The following SLC52A1 variants were observed in gnomAD, a reference collection of about 807,000 sequenced individuals.
SLC52A1 encodes the protein solute carrier family 52 member 1, also known as solute carrier family 52, riboflavin transporter, member 1.
In SLC52A1, 20 loss-of-function variants were observed where a neutral mutation model predicts 23.2. The ratio of observed to expected loss-of-function variants is 0.86; its 90% CI spans 0.61 to 1.25. The LOEUF (loss-of-function observed/expected upper bound fraction) is 1.25. SLC52A1 is among the 50% of genes most tolerant of loss of function. The pLI is 0.00. For synonymous variants in SLC52A1, 260 were observed against 256.6 expected, an observed-to-expected ratio of 1.01 and a Z score of -0.13; for missense variants, 528 against 557.0, an observed-to-expected ratio of 0.95 and a Z score of 0.52.
At chr17:5,036,651 A>C (rs993722095), upstream of SLC52A1, among the ~76,000 whole-genome samples, 1 of 151,130 alleles carries the variant, frequency 6.6e-6, no homozygotes, top group African/African-American at 2.4e-5. Flanking sequence ...ACCTCAGGTG[A>C]TCCGCCCGCC....
chr17:5,037,168 CAAAG>C (rs1975477124), upstream of SLC52A1, among the ~76,000 whole-genome samples: 1 of 152,100 alleles, frequency 6.6e-6, no homozygotes, highest in Non-Finnish European at 1.5e-5. Context: ...AAACAAAAAA[CAAAG>C]AAAACAAAAG....
At chr17:5,036,157 G>A (rs1975451788), upstream of SLC52A1, among the ~76,000 whole-genome samples, 2 of 139,710 alleles carry the variant, frequency 1.4e-5, no homozygotes, top group East Asian at 2.2e-4. Context: ...TCAGCCTCCC[G>A]AGTAGCTGGA....
chr17:5,042,341 A>T (rs1435194025), intron 1 of SLC52A1, among the ~76,000 whole-genome samples: 1 of 152,122 alleles, frequency 6.6e-6, no homozygotes, highest in Non-Finnish European at 1.5e-5. Flanking sequence ...CTCACCACAG[A>T]TGAATGTACT....
chr17:5,038,648 G>A (rs937409842), upstream of SLC52A1, among the ~76,000 whole-genome samples: 12 of 151,262 alleles, frequency 7.9e-5, no homozygotes, highest in African/African-American at 2.9e-4. Context: ...GTGCAGTGGC[G>A]CAATCTCGGC....
upstream of SLC52A1, among the ~76,000 whole-genome samples, chr17:5,039,791 A>T (rs1341409321): frequency 6.6e-6 from 1 of 152,180 alleles, no homozygotes; most frequent in Non-Finnish European, 1.5e-5. Context: ...CAATGTATAG[A>T]CAATAGTTCC....
In SLC52A1 at chr17:5,032,705, C is replaced by T. The variant is rs1975340070; in HGVS notation, c.*252G>A. The T allele has an allele frequency of 2.4e-6, 1 of 421,236 alleles. No individual in the cohort carries two copies. Among genetic ancestry groups the T allele is most frequent in the Non-Finnish European group, 4.2e-6 (1 of 235,676 alleles). The allele number at this position is 421,236 out of a possible 1,614,324, so 26.1% of individuals were successfully genotyped here. On this transcript the variant is annotated 3_prime_UTR_variant, in exon 5 of 5. Coordinates refer to ENST00000254853, the MANE Select transcript of SLC52A1 (RefSeq NM_017986.4). ...TTGTTTTTGGTTTTAAATAAAAACA[C>T]TTTATTGCACAAATCCCACAAAGGT...
chr17:5,034,679 T>G lies in SLC52A1; in HGVS notation c.-73A>C. ...GTCCTTCCCTAGGTAGGTCCAAAGA[T>G]GCTTTGGTTCTTCTGGAAACTGAAG... On this transcript the variant is annotated 5_prime_UTR_variant, in exon 2 of 5. Coordinates refer to ENST00000254853, the MANE Select transcript of SLC52A1 (RefSeq NM_017986.4). 1.3e-6 allele frequency: 2 copies of G among 1,578,462 alleles called. No individual in the cohort carries two copies.
At chr17:5,041,901 C>T (rs1975549208) in intron 1 of SLC52A1, among the ~76,000 whole-genome samples, 1 of 152,116 alleles carries the variant, frequency 6.6e-6, no homozygotes, top group Non-Finnish European at 1.5e-5. Flanking sequence ...CGTGAGCCAC[C>T]GCACCCGGCC....
Position 5,033,390 on chromosome 17 carries a change from G to A in SLC52A1, c.1011-6C>T, listed in dbSNP as rs1366152443. The A allele has an allele frequency of 3.1e-6, 5 of 1,614,124 alleles. No individual in the cohort carries two copies. The highest frequency in any genetic ancestry group is 4.2e-6 in the Non-Finnish European group (5 of 1,180,000). ...CAACCAGCCCTGCCAGGGACCTGTT[G>A]GGGATGAGCAGAGACTCAGGGCTGG... On this transcript the variant is annotated splice_region_variant and splice_polypyrimidine_tract_variant and intron_variant, in intron 3 of 4. Transcript: ENST00000254853.
At position 5,032,688 on chromosome 17, in the gene SLC52A1, G is replaced by A. The variant is rs1018189768; in HGVS notation, c.*269C>T. On this transcript the variant is annotated 3_prime_UTR_variant, in exon 5 of 5. Coordinates refer to ENST00000254853, the MANE Select transcript of SLC52A1 (RefSeq NM_017986.4). ...TCATTAGGCTTTTGTTTTTGTTTTTGGTTTTAAATAAAAACACTTTATTGC... is the reference window on the plus strand; with the variant it reads ...TCATTAGGCTTTTGTTTTTGTTTTTAGTTTTAAATAAAAACACTTTATTGC... 1 of 373,702 alleles carries A rather than the reference G, an allele frequency of 2.7e-6. No individual in the cohort carries two copies. Among genetic ancestry groups the A allele is most frequent in the African/African-American group, 2.0e-5 (1 of 49,228 alleles). The allele number at this position is 373,702 out of a possible 1,614,324, so 23.1% of individuals were successfully genotyped here.
upstream of SLC52A1, among the ~76,000 whole-genome samples, chr17:5,035,946 C>T (rs1453186018): frequency 7.2e-6 from 1 of 139,824 alleles, no homozygotes. Flanking sequence ...CTTGGCACTC[C>T]TGGGCTCAAG....
At position 5,032,942 on chromosome 17, in the gene SLC52A1, C is replaced by T. The variant is rs773005287; in HGVS notation, c.*15G>A. ...AAGACAGGTGGGGTGGAGTTGGGTC[C>T]CCACCTGCCCAGGCTCAGGGGCCAC... On this transcript the variant is annotated 3_prime_UTR_variant, in exon 5 of 5. Coordinates refer to ENST00000254853, the MANE Select transcript of SLC52A1 (RefSeq NM_017986.4). 5 of 1,605,590 alleles carry T rather than the reference C, an allele frequency of 3.1e-6. No homozygotes were observed. The highest frequency in any genetic ancestry group is 4.3e-6 in the Non-Finnish European group (5 of 1,173,456).
chr17:5,033,143 A>G lies in SLC52A1; in HGVS notation c.1161T>C (p.Cys387=). The part of the protein sequence containing the change: ...LVVLSWVLCL[C]VFSYVKVAAS... ...CAGCCACCTTCACATATGAGAACAC[A>G]CACAGACACAGCACCCACGACAGCA... is the stretch of plus-strand genomic sequence containing the variant. The change falls in exon 5 of 5, where the codon TGT becomes TGC. Residue 387 remains cysteine, a synonymous_variant. Coordinates refer to ENST00000254853, the MANE Select transcript of SLC52A1 (RefSeq NM_017986.4). 6.2e-7 allele frequency: 1 copy of G among 1,613,940 alleles called. No homozygotes were observed. Among genetic ancestry groups the G allele is most frequent in the Non-Finnish European group, 8.5e-7 (1 of 1,180,022 alleles).
At chr17:5,033,449 C>T (rs1975368598) in intron 3 of SLC52A1, 30 bp downstream of exon 3, 5 of 1,610,270 alleles carry the variant, frequency 3.1e-6, no homozygotes, top group South Asian at 1.1e-5. Flanking sequence ...CCTTAAGTTC[C>T]ACCCACCAAG....
rs1319920566 is a variant in SLC52A1, at chr17:5,033,692, C to A, written c.797G>T (p.Gly266Val). The A allele has an allele frequency of 6.2e-7, 1 of 1,614,026 alleles. No individual in the cohort carries two copies. The change falls in exon 3 of 5, where the codon GGC (glycine) becomes GTC (valine). Residue 266 changes from glycine (G) to valine (V), a missense_variant. By Grantham distance (109) the Gly-to-Val change is moderately radical. Transcript: ENST00000254853. ...CAGCTGATGGGCCTCAGGGTCTGGGCCAGGGATGGTGCCTGCTGCCTGGCT... is the reference window on the plus strand; with the variant it reads ...CAGCTGATGGGCCTCAGGGTCTGGGACAGGGATGGTGCCTGCTGCCTGGCT... ...PPSQAAGTIP[G>V]PDPEAHQLFS...
upstream of SLC52A1, among the ~76,000 whole-genome samples, chr17:5,035,929 AGGCT>A (rs1384455189): frequency 1.4e-4 from 17 of 121,160 alleles, no homozygotes; most frequent in African/African-American, 5.6e-4. Context: ...TATGTTGCTC[AGGCT>A]GGCTTGGCAC....
Position 5,032,827 on chromosome 17 carries a change from G to A in SLC52A1, c.*130C>T. The stretch of plus-strand genomic sequence containing the variant: ...CTGGCCTCACATGCCAACGTCTTCT[G>A]TGGAGTGTGCAGGTGTCCATGAGCG... On this transcript the variant is annotated 3_prime_UTR_variant, in exon 5 of 5. Transcript: ENST00000254853. The A allele has an allele frequency of 1.2e-6, 1 of 820,146 alleles. No individual in the cohort carries two copies. Among genetic ancestry groups the A allele is most frequent in the Non-Finnish European group, 1.9e-6 (1 of 522,638 alleles). The allele number at this position is 820,146 out of a possible 1,614,324, so 50.8% of individuals were successfully genotyped here. A position where few individuals can be genotyped will look rare whatever the true frequency, so the allele number is the denominator to read the frequency against.
intron 1 of SLC52A1, among the ~76,000 whole-genome samples, chr17:5,041,219 C>T (rs1209233990): frequency 1.3e-5 from 2 of 151,876 alleles, no homozygotes; most frequent in South Asian, 2.1e-4. Context: ...CCCAAGCAGC[C>T]GGGACCATAG....
upstream of SLC52A1, among the ~76,000 whole-genome samples, chr17:5,037,942 G>A (rs185443734): frequency 4.2e-3 from 474 of 112,668 alleles, 3 homozygotes; most frequent in African/African-American, 0.016. Context: ...TTTTTGAGAC[G>A]GAGTCTCACT....
Sources: allele counts gnomAD v4.1 joint callset (sites outside exome capture counted in the v4.1 genomes callset), GRCh38; gene constraint gnomAD v4.1.1; transcripts MANE v1.5; gene names NCBI Gene and HGNC (gene_info 2026-07-23, HGNC 2026-07-21).